Variants in IQCM observed in about 807,000 individuals in gnomAD.
The protein encoded by IQCM is IQ motif containing M, also known as IQ domain-containing protein M.
IQCM carries 45 observed loss-of-function variants against 57.6 expected under a neutral mutation model. That is an observed-to-expected ratio of 0.78 (90% CI 0.62 to 1.00). The LOEUF (loss-of-function observed/expected upper bound fraction) is 1.00, where lower values mean the gene tolerates loss of function less well. Among genes scored for constraint, IQCM ranks in the 50% least tolerant of loss-of-function variants. The probability of loss-of-function intolerance (pLI) is 0.00; values close to 1 mark genes in which losing one functional copy is unlikely to be tolerated. For synonymous variants in IQCM, 148 were observed against 158.9 expected (o/e 0.93, Z 0.51); for missense variants, 468 against 511.6 (o/e 0.91, Z 0.82).
At chr4:149,681,594 T>C (rs1466901100) in intron 7 of IQCM, among the ~76,000 whole-genome samples, 2 of 151,110 alleles carry the variant, frequency 1.3e-5, no homozygotes, top group Non-Finnish European at 3.0e-5. Context: ...AAAAATTTCT[T>C]CTGAAATCAA....
intron 12 of IQCM, among the ~76,000 whole-genome samples, chr4:149,470,258 A>G (rs1417098976): frequency 6.6e-6 from 1 of 152,144 alleles, no homozygotes; most frequent in Non-Finnish European, 1.5e-5. Flanking sequence ...ACATAGGCTC[A>G]AAATAAAGGG....
chr4:149,749,923 C>T (rs887657228), intron 2 of IQCM, among the ~76,000 whole-genome samples: 1 of 152,066 alleles, frequency 6.6e-6, no homozygotes, highest in Non-Finnish European at 1.5e-5. Flanking sequence ...TCTTTGTCTT[C>T]CATAAGCCTG....
intron 11 of IQCM, among the ~76,000 whole-genome samples, chr4:149,552,559 G>C (rs1462009241): frequency 2.0e-5 from 3 of 152,078 alleles, no homozygotes; most frequent in Non-Finnish European, 4.4e-5. Context: ...AATAAGCAAT[G>C]TGTTGTTTAG....
At chr4:149,476,184 C>A (rs1005164761) in intron 12 of IQCM, among the ~76,000 whole-genome samples, 2 of 152,074 alleles carry the variant, frequency 1.3e-5, no homozygotes, top group Non-Finnish European at 2.9e-5. Flanking sequence ...CAGATCGAAG[C>A]ATGAATAAAC....
At chr4:149,430,937 T>G (rs577828946) in intron 13 of IQCM, among the ~76,000 whole-genome samples, 20 of 151,822 alleles carry the variant, frequency 1.3e-4, no homozygotes, top group Admixed American at 3.3e-4. Flanking sequence ...CAGTAGCTCA[T>G]GCCTGTAATT....
At chr4:149,585,809 G>C (rs961184472) in intron 9 of IQCM, among the ~76,000 whole-genome samples, 6 of 151,692 alleles carry the variant, frequency 4.0e-5, no homozygotes, top group Middle Eastern at 3.4e-3. Flanking sequence ...TTTACTTTCA[G>C]GACCTTGAAG....
intron 7 of IQCM, among the ~76,000 whole-genome samples, chr4:149,676,499 C>A (rs946362968): frequency 6.6e-6 from 1 of 152,040 alleles, no homozygotes; most frequent in Non-Finnish European, 1.5e-5. Flanking sequence ...ATGCACTTGA[C>A]AAGCATTATC....
intron 12 of IQCM, among the ~76,000 whole-genome samples, chr4:149,499,618 G>A (rs1560918679): frequency 6.6e-6 from 1 of 151,888 alleles, no homozygotes; most frequent in Non-Finnish European, 1.5e-5. Flanking sequence ...AATAGAAATG[G>A]TCCTTATTTA....
At chr4:149,656,065 C>T (rs1759609458) in intron 7 of IQCM, among the ~76,000 whole-genome samples, 1 of 152,184 alleles carries the variant, frequency 6.6e-6, no homozygotes, top group Middle Eastern at 3.4e-3. Flanking sequence ...TAGTCACAAA[C>T]TTTCTGATTT....
chr4:149,446,699 T>A (rs753116430), intron 12 of IQCM, among the ~76,000 whole-genome samples: 1 of 151,578 alleles, frequency 6.6e-6, no homozygotes, highest in Non-Finnish European at 1.5e-5. Context: ...TACATTCTTA[T>A]AAATTATACA....
intron 5 of IQCM, among the ~76,000 whole-genome samples, chr4:149,714,896 T>G (rs979866908): frequency 2.6e-5 from 4 of 152,060 alleles, no homozygotes; most frequent in Admixed American, 1.3e-4. Flanking sequence ...TTATCCTGGG[T>G]GGGATTAATT....
intron 12 of IQCM, among the ~76,000 whole-genome samples, chr4:149,495,024 G>C (rs1312275912): frequency 6.6e-6 from 1 of 152,034 alleles, no homozygotes; most frequent in East Asian, 1.9e-4. Context: ...ACAGATAAAG[G>C]ATAGTTATTA....
At chr4:149,369,036 G>GTATATATATATATATACACACGTGTATA (rs1169870573) in intron 13 of IQCM, among the ~76,000 whole-genome samples, 3 of 60,626 alleles carry the variant, frequency 4.9e-5, no homozygotes, top group Non-Finnish European at 1.0e-4. Flanking sequence ...ATATACATGT[G>GTATATATATATATATACACACGTGTATA]TATATATATA....
chr4:149,562,555 G>A (rs550989646), intron 10 of IQCM, among the ~76,000 whole-genome samples: 1 of 152,298 alleles, frequency 6.6e-6, no homozygotes, highest in African/African-American at 2.4e-5. Context: ...ATCTGTCAAT[G>A]TCTTAGACAG....
intron 7 of IQCM, among the ~76,000 whole-genome samples, chr4:149,650,610 G>A (rs940888593): frequency 1.3e-5 from 2 of 151,986 alleles, no homozygotes; most frequent in East Asian, 1.9e-4. Context: ...GGCTGGTCTC[G>A]AACTCCTGAC....
chr4:149,424,568 G>C (rs562270712), intron 13 of IQCM, among the ~76,000 whole-genome samples: 227 of 151,706 alleles, frequency 1.5e-3, no homozygotes, highest in African/African-American at 5.2e-3. Context: ...ACAAAATCTA[G>C]ATATTAAAGT....
Position 149,563,885 on chromosome 4 carries a change from T to C in IQCM, c.755A>G (p.Lys252Arg). The C allele has an allele frequency of 8.2e-7, 1 of 1,221,042 alleles. No homozygotes were observed. Among genetic ancestry groups the C allele is most frequent in the Non-Finnish European group, 1.0e-6 (1 of 978,002 alleles). The allele number at this position is 1,221,042 out of a possible 1,614,324, so 75.6% of individuals were successfully genotyped here. Reference sequence around the variant, plus strand: ...TTTATCAGTTTTATTTGGAGTACCTTTTATCCTAAAAATAAAACAAATTTC... The same window carrying C: ...TTTATCAGTTTTATTTGGAGTACCTCTTATCCTAAAAATAAAACAAATTTC... Reference protein sequence around the residue: ...KPEPKSQPRIKGTPNKTDKLD... With the variant: ...KPEPKSQPRIRGTPNKTDKLD... Residue 252 changes from lysine (K) to arginine (R), a missense_variant, in exon 10 of 14, where the codon AAA becomes AGA. Lys to Arg is a conservative substitution (Grantham distance 26). Transcript: ENST00000636793.
chr4:149,353,421 C>T (rs1728710874), intron 13 of IQCM, among the ~76,000 whole-genome samples: 1 of 152,192 alleles, frequency 6.6e-6, no homozygotes, highest in Admixed American at 6.5e-5. Flanking sequence ...ATCCAGCAAT[C>T]CCTCTTCTGG....
At chr4:149,402,083 T>C (rs1286048197) in intron 13 of IQCM, among the ~76,000 whole-genome samples, 2 of 151,828 alleles carry the variant, frequency 1.3e-5, no homozygotes, top group African/African-American at 4.8e-5. Flanking sequence ...GTTATTGCCA[T>C]TGACAGAGGT....
Sources: allele counts gnomAD v4.1 joint callset (sites outside exome capture counted in the v4.1 genomes callset), GRCh38; gene constraint gnomAD v4.1.1; transcripts MANE v1.5; gene names NCBI Gene and HGNC (gene_info 2026-07-23, HGNC 2026-07-21).